Variants in NOP9 observed in about 807,000 individuals in gnomAD.
NOP9 encodes the protein nucleolar protein 9.
In NOP9, 50 loss-of-function variants were observed where a neutral mutation model predicts 63.0. That is an observed-to-expected ratio of 0.79 (90% CI 0.63 to 1.00). The LOEUF (loss-of-function observed/expected upper bound fraction) is 1.00, where lower values mean the gene tolerates loss of function less well. Ranked by LOEUF, NOP9 falls within the 50% of genes least tolerant of loss-of-function variation. The pLI is 0.00. For missense variants in NOP9, 758 were observed against 803.0 expected, an observed-to-expected ratio of 0.94 and a Z score of 0.68; for synonymous variants, 343 against 332.8, an observed-to-expected ratio of 1.03 and a Z score of -0.33.
intron 6 of NOP9, 145 bp downstream of exon 6, chr14:24,303,359 A>G (rs2041412099): frequency 2.0e-6 from 2 of 978,702 alleles, no homozygotes; most frequent in Admixed American, 4.9e-5. Flanking sequence ...AATGAGGCCT[A>G]TAGGTGCCCG....
At chr14:24,296,412 GGC>G, upstream of NOP9, 2 of 1,173,194 alleles carry the variant, frequency 1.7e-6, no homozygotes, top group Non-Finnish European at 2.5e-6. Context: ...AGATGGGGGA[GGC>G]CGGAGGGAAA....
the NOP9 span, among the ~76,000 whole-genome samples, chr14:24,288,602 C>G: frequency 5.3e-5 from 8 of 152,286 alleles, no homozygotes; most frequent in Non-Finnish European, 1.0e-4. Flanking sequence ...CCTGCGTCAG[C>G]CTCCCAAAGT....
the NOP9 span, among the ~76,000 whole-genome samples, chr14:24,274,829 C>T: frequency 4.0e-5 from 6 of 149,894 alleles, no homozygotes; most frequent in Admixed American, 6.6e-5. Flanking sequence ...AGGATGGTCT[C>T]GATCTCCTGA....
chr14:24,305,067 G>A lies in NOP9; in HGVS notation c.1883G>A (p.Arg628Gln), dbSNP rs200042236. ...CAGGGTGCGGTGGCCAAGCGGAGGCGGGCATTGAACTCCATACTTGAAGAC... is the reference window on the plus strand; with the variant it reads ...CAGGGTGCGGTGGCCAAGCGGAGGCAGGCATTGAACTCCATACTTGAAGAC... Reference protein sequence around the residue: ...QQQGAVAKRRRALNSILED With the variant: ...QQQGAVAKRRQALNSILED Residue 628 changes from arginine to glutamine, a missense_variant, in exon 10 of 10, where the codon CGG (arginine) becomes CAG (glutamine). Physicochemically the swap from Arg to Gln is conservative, Grantham distance 43. Transcript: ENST00000267425. 17 of 1,576,850 alleles carry A rather than the reference G, an allele frequency of 1.1e-5. No individual in the cohort carries two copies. The South Asian group carries it at 1.3e-4, about 12-fold the overall frequency.
the NOP9 span, chr14:24,271,322 G>A: frequency 1.9e-6 from 1 of 518,194 alleles, no homozygotes; most frequent in Non-Finnish European, 3.2e-6. Context: ...TGAGCACCCG[G>A]ACTAGGACTT....
rs753190265 is a variant in NOP9, at chr14:24,306,178, G to T, written c.*1083G>T. ...GTCAGTGCAGTAGATCCTCATACCA[G>T]ACACCCACCACTAATCTCCATCAGC... On this transcript the variant is annotated 3_prime_UTR_variant, in exon 10 of 10. Transcript: ENST00000267425. 1.3e-6 allele frequency: 2 copies of T among 1,589,942 alleles called. No homozygotes were observed. The highest frequency in any genetic ancestry group is 1.7e-6 in the Non-Finnish European group (2 of 1,162,626).
chr14:24,303,274 C>T (rs983205940), intron 6 of NOP9, 60 bp downstream of exon 6: 1 of 1,596,872 alleles, frequency 6.3e-7, no homozygotes, highest in Non-Finnish European at 8.6e-7. Flanking sequence ...CCTTTTAGGA[C>T]TTATCTAATC....
rs769928364 is a variant in NOP9 at position 24,300,624 on chromosome 14, G to A, written c.464G>A (p.Arg155Gln). 1 of 1,608,714 alleles carries A rather than the reference G, an allele frequency of 6.2e-7. No homozygotes were observed. ...VLQSALLQLP[R>Q]LLGSAAEEEE... ...CAAAGTGCTTTGCTACAGCTCCCTCGATTGCTGGGGAGTGCTGCAGAGGAG... is the reference window on the plus strand; with the variant it reads ...CAAAGTGCTTTGCTACAGCTCCCTCAATTGCTGGGGAGTGCTGCAGAGGAG... The change falls in exon 2 of 10, where the codon CGA becomes CAA. Residue 155 changes from arginine to glutamine, a missense_variant. Transcript: ENST00000267425.
chr14:24,301,956 T>C lies in NOP9; in HGVS notation c.809-9T>C, dbSNP rs201732468. On this transcript the variant is annotated splice_polypyrimidine_tract_variant and intron_variant, in intron 3 of 9. Transcript: ENST00000267425. ...GGAAAGCCGCTTTATTTCTGCCCTC[T>C]CTCCACAGTGTTTATCACTGATAAG... 1 of 1,603,028 alleles carries C rather than the reference T, an allele frequency of 6.2e-7. No homozygotes were observed. The highest frequency in any genetic ancestry group is 8.5e-7 in the Non-Finnish European group (1 of 1,174,928).
chr14:24,288,146 A>G, the NOP9 span, among the ~76,000 whole-genome samples: 7 of 152,132 alleles, frequency 4.6e-5, no homozygotes, highest in African/African-American at 1.7e-4. Flanking sequence ...CTTACTCCAC[A>G]TCTTATGGAC....
chr14:24,306,575 C>T lies in NOP9; in HGVS notation c.*1480C>T. 2 of 1,610,336 alleles carry T rather than the reference C, an allele frequency of 1.2e-6. No homozygotes were observed. The highest frequency in any genetic ancestry group is 1.7e-6 in the Non-Finnish European group (2 of 1,176,904). ...GCAGGTCTTATCCCATGCCCCTTCC[C>T]TCTTTAGCTGCCCAACATCCATCAG... is the stretch of plus-strand genomic sequence containing the variant. On this transcript the variant is annotated 3_prime_UTR_variant, in exon 10 of 10. Transcript: ENST00000267425.
chr14:24,293,956 G>C, the NOP9 span: 1 of 152,182 alleles, frequency 6.6e-6, no homozygotes, highest in South Asian at 2.1e-4. Flanking sequence ...ATGTGAGAAC[G>C]CAATGTATTA....
chr14:24,281,560 G>A, the NOP9 span, among the ~76,000 whole-genome samples: 1 of 152,216 alleles, frequency 6.6e-6, no homozygotes, highest in Admixed American at 6.5e-5. Flanking sequence ...GACATCTATG[G>A]CTCTAACACT....
rs1186459964 is a variant in NOP9, at chr14:24,305,659, G to T, written c.*564G>T. On this transcript the variant is annotated 3_prime_UTR_variant, in exon 10 of 10. Transcript: ENST00000267425. Reference sequence around the variant, plus strand: ...TAGTAGGAATGGAGGCGGCCCTTCTGCTGCCACTGCTCAGCCCCCTCCACT... The same window carrying T: ...TAGTAGGAATGGAGGCGGCCCTTCTTCTGCCACTGCTCAGCCCCCTCCACT... 6.2e-7 allele frequency: 1 copy of T among 1,613,986 alleles called. No individual in the cohort carries two copies. Among genetic ancestry groups the T allele is most frequent in the South Asian group, 1.1e-5 (1 of 91,066 alleles).
At chr14:24,279,576 G>A in the NOP9 span, among the ~76,000 whole-genome samples, 265 of 152,324 alleles carry the variant, frequency 1.7e-3, 1 homozygote, top group African/African-American at 5.9e-3. Context: ...TCAGGTTGGC[G>A]TCTCTTGGGG....
chr14:24,304,398 G>C (rs1193989650), intron 8 of NOP9, 95 bp from the exon 9 acceptor site: 3 of 1,324,278 alleles, frequency 2.3e-6, no homozygotes, highest in Non-Finnish European at 2.1e-6. Context: ...TTTTAATTCA[G>C]CCCTTAAACT....
the NOP9 span, chr14:24,294,639 G>C: frequency 6.6e-6 from 1 of 151,964 alleles, no homozygotes; most frequent in African/African-American, 2.4e-5. Context: ...CGAGTGGGGG[G>C]AGTATGCGTG....
At chr14:24,303,048 G>T (rs769838594) in intron 5 of NOP9, 26 bp from the exon 6 acceptor site, 2 of 1,502,888 alleles carry the variant, frequency 1.3e-6, no homozygotes, top group South Asian at 2.7e-5. Context: ...CAGAATGCCA[G>T]AGTTACATTC....
rs528201342 is a variant in NOP9 at position 24,308,240 on chromosome 14, G to T, written c.*3145G>T. On this transcript the variant is annotated 3_prime_UTR_variant, in exon 10 of 10. Transcript: ENST00000267425. ...ACGGTTTCTGGCTCTCAGGCTCTGA[G>T]AAGCTGCAGTTTATGAGTGGCTCTG... 1 of 291,038 alleles carries T rather than the reference G, an allele frequency of 3.4e-6. No homozygotes were observed. Among genetic ancestry groups the T allele is most frequent in the Admixed American group, 5.0e-5 (1 of 20,144 alleles). 18.0% of individuals were successfully genotyped at this position (291,038 alleles called of 1,614,324 possible). A position where few individuals can be genotyped will look rare whatever the true frequency, so the allele number is the denominator to read the frequency against.
Sources: allele counts gnomAD v4.1 joint callset (sites outside exome capture counted in the v4.1 genomes callset), GRCh38; gene constraint gnomAD v4.1.1; transcripts MANE v1.5; gene names NCBI Gene and HGNC (gene_info 2026-07-23, HGNC 2026-07-21).